Variants in CD247 observed in about 807,000 individuals in gnomAD.
CD247 encodes the protein T-cell surface glycoprotein CD3 zeta chain.
A neutral mutation model predicts 30.0 loss-of-function variants in CD247; 13 were observed. The ratio of observed to expected loss-of-function variants is 0.43; its 90% CI spans 0.28 to 0.69. The LOEUF is 0.69. CD247 is among the 30% of genes least tolerant of loss of function. CD247 has a pLI of 0.16. For synonymous variants in CD247, 72 were observed against 80.0 expected (o/e 0.90, Z 0.53); for missense variants, 193 against 212.6 (o/e 0.91, Z 0.57).
At chr1:167,437,640 C>G (rs1651611937) in intron 4 of CD247, among the ~76,000 whole-genome samples, 1 of 152,108 alleles carries the variant, frequency 6.6e-6, no homozygotes, top group Non-Finnish European at 1.5e-5. Context: ...CATGTTCTCA[C>G]CTATATGTGG....
At position 167,513,290 on chromosome 1, in the gene CD247, T is replaced by C. The variant is rs576240836; in HGVS notation, c.58+5118A>G. 8.9e-4 allele frequency among the ~76,000 whole-genome samples: 134 copies of C among 151,076 alleles called. 1 individual carries two copies. The highest frequency in any genetic ancestry group is 3.1e-3 in the African/African-American group (129 of 41,380). ...TATGTTTTGATTATGATATGACTTA[T>C]GTTTTTATGTTAACTATAAAAAGAT... On this transcript the variant is annotated intron_variant, in intron 1 of 7. Coordinates refer to ENST00000362089, the MANE Select transcript of CD247 (RefSeq NM_198053.3).
chr1:167,495,005 T>C (rs1355088624), intron 1 of CD247, among the ~76,000 whole-genome samples: 1 of 152,068 alleles, frequency 6.6e-6, no homozygotes, highest in Non-Finnish European at 1.5e-5. Flanking sequence ...TCAGACAAAG[T>C]GGGAAGGCAG....
chr1:167,432,773 T>G (rs1651333497), intron 7 of CD247, among the ~76,000 whole-genome samples: 1 of 152,234 alleles, frequency 6.6e-6, no homozygotes, highest in Admixed American at 6.5e-5. Flanking sequence ...TCTGGACAGC[T>G]GCTGCTCTGT....
chr1:167,510,217 C>A (rs1344560319), intron 1 of CD247, among the ~76,000 whole-genome samples: 1 of 152,192 alleles, frequency 6.6e-6, no homozygotes, highest in East Asian at 1.9e-4. Flanking sequence ...AAAAACACAT[C>A]CCTGCAGATG....
intron 1 of CD247, among the ~76,000 whole-genome samples, chr1:167,480,780 T>C (rs1303986531): frequency 6.6e-6 from 1 of 152,240 alleles, no homozygotes; most frequent in Non-Finnish European, 1.5e-5. Flanking sequence ...ATTTTTATAA[T>C]TTTGCTTTTG....
At chr1:167,461,877 C>T (rs1402275461) in intron 1 of CD247, among the ~76,000 whole-genome samples, 3 of 152,092 alleles carry the variant, frequency 2.0e-5, no homozygotes, top group Non-Finnish European at 2.9e-5. Context: ...TTTTTGATGC[C>T]TTGTATTAAC....
intron 1 of CD247, among the ~76,000 whole-genome samples, chr1:167,459,254 A>G (rs1050908153): frequency 6.6e-6 from 1 of 152,056 alleles, no homozygotes; most frequent in Non-Finnish European, 1.5e-5. Flanking sequence ...TTTTCAGGTG[A>G]AGTACCTCTA....
intron 1 of CD247, among the ~76,000 whole-genome samples, chr1:167,450,550 A>G: frequency 6.6e-6 from 1 of 152,212 alleles, no homozygotes; most frequent in East Asian, 1.9e-4. Context: ...TAAGACTAAT[A>G]GTCCAAGAGA....
intron 1 of CD247, among the ~76,000 whole-genome samples, chr1:167,510,815 C>T (rs1449755911): frequency 6.6e-6 from 1 of 152,140 alleles, no homozygotes; most frequent in Non-Finnish European, 1.5e-5. Flanking sequence ...AGCCCTCCTC[C>T]CCACCTGCCA....
chr1:167,446,894 CT>C (rs1442606792), intron 1 of CD247, among the ~76,000 whole-genome samples: 1 of 152,168 alleles, frequency 6.6e-6, no homozygotes, highest in East Asian at 1.9e-4. Context: ...GCTCAGGAGG[CT>C]GAGGCAGGAG....
At chr1:167,453,520 G>C (rs1196373761) in intron 1 of CD247, among the ~76,000 whole-genome samples, 1 of 152,100 alleles carries the variant, frequency 6.6e-6, no homozygotes, top group African/African-American at 2.4e-5. Flanking sequence ...AATTTTTTCT[G>C]AGGATAAACT....
At chr1:167,464,501 A>C (rs776339871) in intron 1 of CD247, among the ~76,000 whole-genome samples, 1 of 152,214 alleles carries the variant, frequency 6.6e-6, no homozygotes, top group Non-Finnish European at 1.5e-5. Flanking sequence ...CCCCTAAGGA[A>C]ACTCCATGGG....
At chr1:167,467,646 A>G (rs1279766987) in intron 1 of CD247, among the ~76,000 whole-genome samples, 1 of 152,148 alleles carries the variant, frequency 6.6e-6, no homozygotes, top group Non-Finnish European at 1.5e-5. Context: ...GCTTTCAGTC[A>G]TCATTTTGGA....
Position 167,431,547 on chromosome 1 carries a change from C to T in CD247, c.*134G>A. 4 of 822,744 alleles carry T rather than the reference C, an allele frequency of 4.9e-6. No homozygotes were observed. Among genetic ancestry groups the T allele is most frequent in the Non-Finnish European group, 8.6e-6 (4 of 462,902 alleles). 51.0% of individuals were successfully genotyped at this position (822,744 alleles called of 1,614,324 possible). On this transcript the variant is annotated 3_prime_UTR_variant, in exon 8 of 8. Transcript: ENST00000362089. ...TGTGAAGGTTTGGAGCTAAATATAA[C>T]CAAAGCATCCTGTACATAAAGGGGA...
At chr1:167,448,437 T>C (rs550111953) in intron 1 of CD247, 1 of 985,260 alleles carries the variant, frequency 1.0e-6, no homozygotes, top group Non-Finnish European at 1.2e-6. Flanking sequence ...TAGCAGGTCA[T>C]ATTCTTGACT....
intron 1 of CD247, among the ~76,000 whole-genome samples, chr1:167,465,886 T>C (rs1429275799): frequency 6.6e-6 from 1 of 152,208 alleles, no homozygotes; most frequent in East Asian, 1.9e-4. Flanking sequence ...CTGGGTGATA[T>C]TAACTCACTA....
At chr1:167,466,295 A>G (rs1184971608) in intron 1 of CD247, among the ~76,000 whole-genome samples, 1 of 152,188 alleles carries the variant, frequency 6.6e-6, no homozygotes, top group African/African-American at 2.4e-5. Context: ...CAGTTTTCTG[A>G]CTATTTGCCA....
At chr1:167,516,643 G>C (rs1234416508) in intron 1 of CD247, among the ~76,000 whole-genome samples, 1 of 152,150 alleles carries the variant, frequency 6.6e-6, no homozygotes, top group African/African-American at 2.4e-5. Flanking sequence ...CCTCGTTTCT[G>C]GGCTAGGATA....
intron 1 of CD247, among the ~76,000 whole-genome samples, chr1:167,505,864 T>C (rs917043888): frequency 2.0e-5 from 3 of 152,256 alleles, no homozygotes; most frequent in African/African-American, 7.2e-5. Context: ...TGCAGCTCTT[T>C]TGTGGCTGTC....
Sources: gnomAD v4.1 joint callset for allele counts (sites outside exome capture counted in the v4.1 genomes callset) on GRCh38, gnomAD v4.1.1 for gene constraint, MANE v1.5 for transcripts, NCBI Gene and HGNC (gene_info 2026-07-23, HGNC 2026-07-21) for gene names.